The following EIF3H variants were observed in gnomAD, a reference collection of about 807,000 sequenced individuals.
EIF3H encodes the protein eIF-3-gamma.
In EIF3H, 26 loss-of-function variants were observed where a neutral mutation model predicts 44.2. The ratio of observed to expected loss-of-function variants is 0.59; its 90% CI spans 0.43 to 0.82. The LOEUF is 0.82. EIF3H is among the 40% of genes least tolerant of loss of function. The pLI is 0.00. For synonymous variants in EIF3H, 166 were observed against 151.9 expected (o/e 1.09, Z -0.68); for missense variants, 359 against 432.8 (o/e 0.83, Z 1.51).
chr8:116,697,290 A>T (rs1353691640), intron 2 of EIF3H: 2 of 423,186 alleles, frequency 4.7e-6, no homozygotes, highest in Non-Finnish European at 9.4e-6. Context: ...GGGTTTTCTT[A>T]AAGTGTAAAA....
intron 5 of EIF3H, among the ~76,000 whole-genome samples, chr8:116,650,890 A>G (rs1362936989): frequency 6.6e-6 from 1 of 152,124 alleles, no homozygotes; most frequent in Non-Finnish European, 1.5e-5. Flanking sequence ...TCGGCTTCCC[A>G]AAGTGTTGGG....
chr8:116,654,139 A>AT (rs940945583), intron 5 of EIF3H, among the ~76,000 whole-genome samples: 2 of 152,100 alleles, frequency 1.3e-5, no homozygotes, highest in African/African-American at 2.4e-5. Flanking sequence ...AAGTTGCTTC[A>AT]TTTTTTTTCC....
rs1418157988 is a variant in EIF3H at position 116,699,900 on chromosome 8, T to C, written c.289+26116A>G. On this transcript the variant is annotated intron_variant, in intron 2 of 7. Coordinates refer to ENST00000521861, the MANE Select transcript of EIF3H (RefSeq NM_003756.3). ...ATCTCAGCTCACTGCAACCTCTGCCTCCTGGGTTCAAGAGACTCCCGTGCC... is the reference window on the plus strand; with the variant it reads ...ATCTCAGCTCACTGCAACCTCTGCCCCCTGGGTTCAAGAGACTCCCGTGCC... Among the ~76,000 whole-genome samples the C allele has an allele frequency of 6.6e-5, 10 of 152,208 alleles. 1 individual carries two copies. The South Asian group carries it at 2.1e-3, about 32-fold the overall frequency.
rs1427062204 is a variant in EIF3H at position 116,678,770 on chromosome 8, TGAGAA to T, written c.290-19795_290-19791del. Among the ~76,000 whole-genome samples the T allele has an allele frequency of 1.3e-4, 19 of 142,714 alleles. No homozygotes were observed. In the South Asian group the frequency reaches 3.8e-3, roughly 28 times the overall value. The allele number at this position is 142,714 out of a possible 152,430, so 93.6% of individuals were successfully genotyped here. A position where few individuals can be genotyped will look rare whatever the true frequency, so the allele number is the denominator to read the frequency against. On this transcript the variant is annotated intron_variant, in intron 2 of 7. Coordinates refer to ENST00000521861, the MANE Select transcript of EIF3H (RefSeq NM_003756.3). Reference sequence around the variant, plus strand: ...CCCTCTGCCTGGCAACCGCCCCGTCTGAGAAGTGAGGAGCCCCTCCGTCCGGCAGC... The same window carrying T: ...CCCTCTGCCTGGCAACCGCCCCGTCTGTGAGGAGCCCCTCCGTCCGGCAGC...
At chr8:116,661,579 A>C (rs1478466595) in intron 2 of EIF3H, among the ~76,000 whole-genome samples, 1 of 152,236 alleles carries the variant, frequency 6.6e-6, no homozygotes, top group Non-Finnish European at 1.5e-5. Flanking sequence ...CACATTGTTC[A>C]CTGGACATAC....
chr8:116,754,161 T>C (rs1046819889), intron 1 of EIF3H, among the ~76,000 whole-genome samples: 8 of 152,068 alleles, frequency 5.3e-5, no homozygotes, highest in Non-Finnish European at 1.0e-4. Context: ...TTGCCCAGGC[T>C]GGAGTGCAGT....
At chr8:116,707,978 G>A (rs999637401) in intron 2 of EIF3H, among the ~76,000 whole-genome samples, 2 of 151,902 alleles carry the variant, frequency 1.3e-5, no homozygotes, top group Admixed American at 6.6e-5. Context: ...AGTCAGTCAC[G>A]AATTTCTAAA....
At chr8:116,739,417 G>A (rs975044676) in intron 1 of EIF3H, among the ~76,000 whole-genome samples, 4 of 152,216 alleles carry the variant, frequency 2.6e-5, no homozygotes, top group African/African-American at 4.8e-5. Flanking sequence ...TTTGGAGGCC[G>A]CGGCGGGCAG....
At chr8:116,698,709 T>TC (rs1159406149) in intron 2 of EIF3H, among the ~76,000 whole-genome samples, 1 of 152,216 alleles carries the variant, frequency 6.6e-6, no homozygotes, top group Non-Finnish European at 1.5e-5. Context: ...TTTCAAAACC[T>TC]CTTGCCACTA....
At chr8:116,722,515 T>C (rs2130920448) in intron 2 of EIF3H, among the ~76,000 whole-genome samples, 1 of 152,346 alleles carries the variant, frequency 6.6e-6, no homozygotes, top group Non-Finnish European at 1.5e-5. Context: ...ACTATTACCC[T>C]GAATTTGGTG....
intron 1 of EIF3H, among the ~76,000 whole-genome samples, chr8:116,752,717 AAAGAAAGAAAGAAAGAAGAG>A (rs1292841066): frequency 7.3e-6 from 1 of 136,596 alleles, no homozygotes; most frequent in Non-Finnish European, 1.6e-5. Context: ...AGAAAGAAAG[AAAGAAAGAAAGAAAGAAGAG>A]AAAGAAAGAA....
chr8:116,712,618 C>T (rs944876775), intron 2 of EIF3H, among the ~76,000 whole-genome samples: 2 of 152,048 alleles, frequency 1.3e-5, no homozygotes, highest in African/African-American at 4.8e-5. Context: ...GAAGTGTTAA[C>T]GGTATGAAAA....
rs189646566 is a variant in EIF3H at position 116,668,349 on chromosome 8, G to C, written c.290-9369C>G. ...AATATGCTAAAATGGTAACGGAATT[G>C]TTCTCCAGAGAGTGAGATCATACAA... is the stretch of plus-strand genomic sequence containing the variant. On this transcript the variant is annotated intron_variant, in intron 2 of 7. Coordinates refer to ENST00000521861, the MANE Select transcript of EIF3H (RefSeq NM_003756.3). Among the ~76,000 whole-genome samples the C allele has an allele frequency of 2.6e-5, 4 of 152,318 alleles. No homozygotes were observed. The East Asian group carries it at 7.7e-4, about 29-fold the overall frequency.
At chr8:116,725,214 A>G (rs569737037) in intron 2 of EIF3H, among the ~76,000 whole-genome samples, 1 of 152,212 alleles carries the variant, frequency 6.6e-6, no homozygotes, top group Non-Finnish European at 1.5e-5. Flanking sequence ...TTCCACTAAC[A>G]TGAGGTATCT....
intron 2 of EIF3H, chr8:116,697,232 C>T (rs1316921090): frequency 2.2e-6 from 1 of 455,962 alleles, no homozygotes; most frequent in Non-Finnish European, 4.4e-6. Context: ...AAAGGAAATA[C>T]TGGGCCTAGA....
chr8:116,743,798 A>ATATATATATATATATATATAT (rs1491232249), intron 1 of EIF3H, among the ~76,000 whole-genome samples: 1 of 79,688 alleles, frequency 1.3e-5, no homozygotes, highest in Non-Finnish European at 2.4e-5. Flanking sequence ...ATATATATAT[A>ATATATATATATATATATATAT]AACACACACA....
intron 1 of EIF3H, among the ~76,000 whole-genome samples, chr8:116,752,722 A>AAGAAAGAGAG (rs1554603833): frequency 9.0e-6 from 1 of 111,150 alleles, no homozygotes; most frequent in Admixed American, 1.1e-4. Flanking sequence ...GAAAGAAAGA[A>AAGAAAGAGAG]AGAAAGAAAG....
At chr8:116,671,233 C>T (rs1011452721) in intron 2 of EIF3H, among the ~76,000 whole-genome samples, 4 of 152,196 alleles carry the variant, frequency 2.6e-5, no homozygotes, top group East Asian at 1.9e-4. Context: ...CATCCCCTAA[C>T]GCAGCACAAA....
chr8:116,674,851 G>A (rs535386396), intron 2 of EIF3H, among the ~76,000 whole-genome samples: 6 of 152,210 alleles, frequency 3.9e-5, no homozygotes, highest in African/African-American at 1.4e-4. Context: ...TAGATTAACA[G>A]ATGCATCCCA....
Sources: gnomAD v4.1 joint callset for allele counts (sites outside exome capture counted in the v4.1 genomes callset) on GRCh38, gnomAD v4.1.1 for gene constraint, MANE v1.5 for transcripts, NCBI Gene and HGNC (gene_info 2026-07-23, HGNC 2026-07-21) for gene names.